The following PFKFB3 variants were observed in gnomAD, a reference collection of about 807,000 sequenced individuals.
PFKFB3 encodes the protein 6-phosphofructo-2-kinase/fructose-2,6-biphosphatase 3, also known as 6-phosphofructo-2-kinase/fructose-2,6-bisphosphatase 3.
PFKFB3 carries 33 observed loss-of-function variants against 68.0 expected under a neutral mutation model. The ratio of observed to expected loss-of-function variants is 0.49; its 90% CI spans 0.37 to 0.65. The LOEUF (loss-of-function observed/expected upper bound fraction) is 0.65. Among genes scored for constraint, PFKFB3 ranks in the 30% least tolerant of loss-of-function variants. The pLI is 0.00. For missense variants in PFKFB3, 586 were observed against 712.2 expected (o/e 0.82, Z 2.02); for synonymous variants, 315 against 288.2 (o/e 1.09, Z -0.94).
downstream of PFKFB3, among the ~76,000 whole-genome samples, chr10:6,239,638 C>A (rs1564230131): frequency 1.3e-5 from 2 of 152,148 alleles, no homozygotes; most frequent in Admixed American, 6.5e-5. Context: ...CAGACAGCAT[C>A]TTTGGGGATT....
chr10:6,274,636 C>T, the PFKFB3 span, among the ~76,000 whole-genome samples: 14,698 of 152,046 alleles, frequency 0.097, 991 homozygotes, highest in East Asian at 0.23. Context: ...TGCTTAAGCC[C>T]GGAAGTTTGA....
the PFKFB3 span, among the ~76,000 whole-genome samples, chr10:6,263,988 G>T: frequency 2.0e-5 from 3 of 152,238 alleles, no homozygotes; most frequent in East Asian, 5.8e-4. Flanking sequence ...GTCCAGCCAC[G>T]GTTATCTTCT....
chr10:6,233,089 T>C lies in PFKFB3; in HGVS notation c.*147T>C. 1 of 687,040 alleles carries C rather than the reference T, an allele frequency of 1.5e-6. No homozygotes were observed. Among genetic ancestry groups the C allele is most frequent in the Non-Finnish European group, 2.6e-6 (1 of 385,938 alleles). The allele number at this position is 687,040 out of a possible 1,614,324, so 42.6% of individuals were successfully genotyped here. On this transcript the variant is annotated 3_prime_UTR_variant, in exon 15 of 15. Coordinates refer to ENST00000379775, the MANE Select transcript of PFKFB3 (RefSeq NM_004566.4). ...GAGCCTTGGCCGAAGAGAACCATGCTTGGCACCGTCTGTGTCCCCTCGGCC... is the reference window on the plus strand; with the variant it reads ...GAGCCTTGGCCGAAGAGAACCATGCCTGGCACCGTCTGTGTCCCCTCGGCC...
chr10:6,307,969 C>T, the PFKFB3 span, among the ~76,000 whole-genome samples: 766 of 152,246 alleles, frequency 5.0e-3, 5 homozygotes, highest in African/African-American at 0.017. Flanking sequence ...CTTCCCCATT[C>T]CTTTCTCTCA....
chr10:6,219,004 T>C (rs996451277), intron 6 of PFKFB3, among the ~76,000 whole-genome samples: 1 of 152,218 alleles, frequency 6.6e-6, no homozygotes, highest in East Asian at 1.9e-4. Context: ...TGGGTGTTGG[T>C]AGACCTGTGT....
chr10:6,195,322 C>G (rs968842056), intron 1 of PFKFB3, among the ~76,000 whole-genome samples: 3 of 152,166 alleles, frequency 2.0e-5, no homozygotes, highest in African/African-American at 7.2e-5. Context: ...GCTGTTCCAT[C>G]GGGTTTATCT....
intron 1 of PFKFB3, among the ~76,000 whole-genome samples, chr10:6,159,707 A>G (rs1352732290): frequency 6.6e-6 from 1 of 151,546 alleles, no homozygotes; most frequent in African/African-American, 2.4e-5. Context: ...AAAAAAAAAA[A>G]AACAAAACAC....
chr10:6,246,930 T>A (rs1241665367), intron 14 of PFKFB3, among the ~76,000 whole-genome samples: 1 of 152,194 alleles, frequency 6.6e-6, no homozygotes, highest in Non-Finnish European at 1.5e-5. Context: ...CCACCTGAGA[T>A]GCAACAGCTT....
chr10:6,161,509 TG>T (rs1841968656), intron 1 of PFKFB3, among the ~76,000 whole-genome samples: 1 of 152,122 alleles, frequency 6.6e-6, no homozygotes, highest in Admixed American at 6.5e-5. Flanking sequence ...TATTTCATTT[TG>T]TCATGTCCTT....
At position 6,154,472 on chromosome 10, in the gene PFKFB3, T is replaced by C. The variant is rs534322738; in HGVS notation, c.16+9459T>C. Among the ~76,000 whole-genome samples the C allele has an allele frequency of 7.2e-4, 110 of 152,274 alleles. No individual in the cohort carries two copies. Among genetic ancestry groups the C allele is most frequent in the African/African-American group, 2.5e-3 (102 of 41,552 alleles). On this transcript the variant is annotated intron_variant, in intron 1 of 14. Coordinates refer to the PFKFB3 transcript ENST00000379789. This position sits in a 1 kb window ranked among gnomAD's most constrained non-coding sequence, Gnocchi z 4.6. ...CACGTTGGTCAGGCTGGTCTTGAAC[T>C]CCTGAGTTCAAGTGATTTGCCCGCC...
At chr10:6,231,628 C>T (rs922557204) in intron 14 of PFKFB3, 139 of 972,324 alleles carry the variant, frequency 1.4e-4, no homozygotes, top group Non-Finnish European at 1.6e-4. Context: ...CCAGCAGATG[C>T]GGAGGGAAAT....
chr10:6,289,968 C>T, the PFKFB3 span, among the ~76,000 whole-genome samples: 37 of 152,062 alleles, frequency 2.4e-4, no homozygotes, highest in Middle Eastern at 3.4e-3. Context: ...TTGAAGCAAT[C>T]GTGAATGGGA....
chr10:6,207,450 C>T (rs530375585), intron 1 of PFKFB3, among the ~76,000 whole-genome samples: 1 of 152,238 alleles, frequency 6.6e-6, no homozygotes, highest in South Asian at 2.1e-4. Context: ...GGAGAGGGAG[C>T]TGGAGCTTAA....
At chr10:6,280,563 C>T in the PFKFB3 span, among the ~76,000 whole-genome samples, 1 of 152,182 alleles carries the variant, frequency 6.6e-6, no homozygotes, top group Non-Finnish European at 1.5e-5. Context: ...AGCATAGCAT[C>T]AATCCTGGCC....
At chr10:6,322,472 G>A in the PFKFB3 span, among the ~76,000 whole-genome samples, 1 of 152,154 alleles carries the variant, frequency 6.6e-6, no homozygotes, top group Non-Finnish European at 1.5e-5. Flanking sequence ...TCACCCAGTA[G>A]CCTGAATGAT....
intron 1 of PFKFB3, among the ~76,000 whole-genome samples, chr10:6,177,128 C>A (rs1842495666): frequency 6.6e-6 from 1 of 152,172 alleles, no homozygotes; most frequent in Non-Finnish European, 1.5e-5. Context: ...CTGAATTGTT[C>A]CCTAATGGTT....
the PFKFB3 span, among the ~76,000 whole-genome samples, chr10:6,265,340 C>G: frequency 6.6e-6 from 1 of 152,168 alleles, no homozygotes; most frequent in Non-Finnish European, 1.5e-5. Context: ...CTCAACCTCC[C>G]AAAGTGCTGG....
chr10:6,275,607 T>G, the PFKFB3 span, among the ~76,000 whole-genome samples: 1 of 152,164 alleles, frequency 6.6e-6, no homozygotes, highest in African/African-American at 2.4e-5. The surrounding 1 kb of genome is among the most constrained non-coding windows in gnomAD (Gnocchi z 4.9). Context: ...AAGGGAAACC[T>G]TGGTTTGGAT....
chr10:6,321,204 T>C, the PFKFB3 span, among the ~76,000 whole-genome samples: 11 of 152,134 alleles, frequency 7.2e-5, no homozygotes, highest in Non-Finnish European at 1.2e-4. Context: ...GTGTGTCCTC[T>C]CTCCTCCCAA....
Sources: gnomAD v4.1 joint callset for allele counts (sites outside exome capture counted in the v4.1 genomes callset) on GRCh38, gnomAD v4.1.1 for gene constraint, Gnocchi (gnomAD v3.1) non-coding constraint, MANE v1.5 for transcripts, NCBI Gene and HGNC (gene_info 2026-07-23, HGNC 2026-07-21) for gene names.